Variants in DCAF1 observed in about 807,000 individuals in gnomAD.
DCAF1 encodes DDB1- and CUL4-associated factor 1.
In DCAF1, 15 loss-of-function variants were observed where a neutral mutation model predicts 128.0. The observed-to-expected ratio is 0.12, with a 90% CI of 0.08 to 0.18. The LOEUF (loss-of-function observed/expected upper bound fraction) is 0.18, where lower values mean the gene tolerates loss of function less well. DCAF1 is among the 10% of genes least tolerant of loss of function. DCAF1 has a pLI of 1.00. For synonymous variants in DCAF1, 610 were observed against 603.0 expected, an observed-to-expected ratio of 1.01 and a Z score of -0.17; for missense variants, 988 against 1,649.5, an observed-to-expected ratio of 0.60 and a Z score of 6.95.
chr3:51,401,299 C>T (rs1306496490), intron 24 of DCAF1, among the ~76,000 whole-genome samples: 1 of 152,138 alleles, frequency 6.6e-6, no homozygotes, highest in Non-Finnish European at 1.5e-5. Context: ...TTCACCCTAT[C>T]CTAAAAGGGC....
intron 7 of DCAF1, among the ~76,000 whole-genome samples, chr3:51,442,980 A>G (rs1701503811): frequency 6.6e-6 from 1 of 152,132 alleles, no homozygotes; most frequent in Admixed American, 6.6e-5. Flanking sequence ...CCTAATACTT[A>G]GGTGATGGGT....
At chr3:51,412,622 A>G in intron 22 of DCAF1, 142 bp from the exon 23 acceptor site, 2 of 1,390,974 alleles carry the variant, frequency 1.4e-6, no homozygotes, top group Non-Finnish European at 1.9e-6. Context: ...CTGACTATGA[A>G]AATGTTATAC....
intron 6 of DCAF1, among the ~76,000 whole-genome samples, chr3:51,451,066 A>ATTTT (rs1559527264): frequency 2.4e-4 from 8 of 32,824 alleles, no homozygotes; most frequent in South Asian, 1.1e-3. Context: ...TAAAAAGGAA[A>ATTTT]TTCTTTTTTT....
intron 23 of DCAF1, among the ~76,000 whole-genome samples, chr3:51,406,297 C>G (rs1051532688): frequency 7.4e-6 from 1 of 135,202 alleles, no homozygotes; most frequent in African/African-American, 2.8e-5. Flanking sequence ...GAGCCGAGAT[C>G]GCGCCACTGC....
Position 51,414,783 on chromosome 3 carries a change from G to A in DCAF1, c.3678C>T (p.Asn1226=). 1 of 1,614,036 alleles carries A rather than the reference G, an allele frequency of 6.2e-7. No individual in the cohort carries two copies. Among genetic ancestry groups the A allele is most frequent in the Non-Finnish European group, 8.5e-7 (1 of 1,179,906 alleles). The stretch of plus-strand genomic sequence containing the variant: ...CATCTGTAGGATTAAAGGTGGCACA[G>A]TTCCTCTTGTAGTTGTTGGCAAGAT... ...NPDLANNYKR[N]CATFNPTDDL... is the part of the protein sequence containing the mutation. Residue 1226 remains asparagine, a synonymous_variant, in exon 19 of 25, where the codon AAC becomes AAT. Coordinates refer to ENST00000684031, the MANE Select transcript of DCAF1 (RefSeq NM_001387579.1).
At chr3:51,450,662 T>C (rs1702256553) in intron 6 of DCAF1, among the ~76,000 whole-genome samples, 1 of 152,198 alleles carries the variant, frequency 6.6e-6, no homozygotes, top group Admixed American at 6.5e-5. Flanking sequence ...CACTTATTTT[T>C]TGAGAGACAA....
intron 6 of DCAF1, among the ~76,000 whole-genome samples, chr3:51,460,323 G>A (rs1577220067): frequency 6.6e-6 from 1 of 152,054 alleles, no homozygotes; most frequent in Admixed American, 6.6e-5. Flanking sequence ...GCTTCAAAGA[G>A]AATAAAATAC....
At chr3:51,451,112 A>G (rs182379012) in intron 6 of DCAF1, among the ~76,000 whole-genome samples, 1 of 52,828 alleles carries the variant, frequency 1.9e-5, no homozygotes, top group East Asian at 4.8e-4. Context: ...TTTTAGTGAC[A>G]AGGTCTCACT....
chr3:51,470,711 A>G (rs1704638702), intron 4 of DCAF1, among the ~76,000 whole-genome samples: 1 of 152,104 alleles, frequency 6.6e-6, no homozygotes, highest in African/African-American at 2.4e-5. Flanking sequence ...AATATTTCCA[A>G]TTTTTTCCAG....
At position 51,430,053 on chromosome 3, in the gene DCAF1, G is replaced by A; in HGVS notation, c.1447C>T (p.Leu483Phe). Residue 483 changes from leucine (L) to phenylalanine (F), a missense_variant, in exon 11 of 25, where the codon CTT becomes TTT. By Grantham distance (22) the Leu-to-Phe change is conservative. Around this residue, in one of 11 missense-constraint regions of DCAF1, gnomAD observed 185 missense variants for 248.1 expected, o/e 0.75. Transcript: ENST00000684031. Reference sequence around the variant, plus strand: ...CTCACCAAGTTCACCAGACGACGAAGACCATCATAGCGGTCAAAGAGCTCC... The same window carrying A: ...CTCACCAAGTTCACCAGACGACGAAAACCATCATAGCGGTCAAAGAGCTCC... ...VLELFDRYDG[L>F]RRLVNLISTL... The A allele has an allele frequency of 1.3e-6, 1 of 780,608 alleles. No homozygotes were observed. Among genetic ancestry groups the A allele is most frequent in the East Asian group, 2.4e-5 (1 of 41,250 alleles). The allele number at this position is 780,608 out of a possible 1,614,324, so 48.4% of individuals were successfully genotyped here.
intron 6 of DCAF1, among the ~76,000 whole-genome samples, chr3:51,453,211 C>T (rs1349652824): frequency 2.6e-5 from 4 of 152,218 alleles, no homozygotes; most frequent in African/African-American, 9.6e-5. Flanking sequence ...TAACGTTAAT[C>T]ACAACGTTAT....
intron 23 of DCAF1, among the ~76,000 whole-genome samples, chr3:51,406,632 C>T (rs1257433381): frequency 2.0e-5 from 3 of 152,132 alleles, no homozygotes; most frequent in Non-Finnish European, 4.4e-5. Context: ...CTTTCCTTTA[C>T]AGAAAATAGG....
chr3:51,463,248 T>C (rs890368782), intron 5 of DCAF1, 21 bp from the exon 6 acceptor site: 2 of 1,483,864 alleles, frequency 1.3e-6, no homozygotes, highest in Middle Eastern at 3.5e-4. Flanking sequence ...AAAAAAGAAA[T>C]ACTGTTCATC....
intron 6 of DCAF1, among the ~76,000 whole-genome samples, chr3:51,452,565 G>GAA (rs1553641737): frequency 6.6e-6 from 1 of 152,098 alleles, no homozygotes; most frequent in Non-Finnish European, 1.5e-5. Flanking sequence ...TGTTCTTGCA[G>GAA]AAAGCTTTAT....
chr3:51,399,560 A>G (rs17668146), intron 24 of DCAF1, among the ~76,000 whole-genome samples: 3,159 of 152,266 alleles, frequency 0.021, 49 homozygotes, highest in Middle Eastern at 0.041. Flanking sequence ...CTGGCAGCAC[A>G]CGGACACATT....
At chr3:51,443,398 G>A (rs189130905) in intron 7 of DCAF1, among the ~76,000 whole-genome samples, 71 of 152,070 alleles carry the variant, frequency 4.7e-4, no homozygotes, top group African/African-American at 1.6e-3. Context: ...AGACCAGCCC[G>A]ACCAACATGG....
At chr3:51,421,482 C>T (rs1412528742) in intron 14 of DCAF1, among the ~76,000 whole-genome samples, 1 of 152,138 alleles carries the variant, frequency 6.6e-6, no homozygotes, top group African/African-American at 2.4e-5. Context: ...GTCTGGAACT[C>T]CTGACCTCAG....
At chr3:51,483,584 A>G (rs1706523818) in intron 3 of DCAF1, 135 bp downstream of exon 3, 3 of 616,946 alleles carry the variant, frequency 4.9e-6, no homozygotes, top group African/African-American at 3.7e-5. Context: ...TCTCCACACC[A>G]ATTTTTGCTT....
At chr3:51,464,011 T>C (rs1169498784) in intron 5 of DCAF1, among the ~76,000 whole-genome samples, 1 of 151,884 alleles carries the variant, frequency 6.6e-6, no homozygotes, top group Non-Finnish European at 1.5e-5. Flanking sequence ...CACACCACCA[T>C]GTCCATCTAA....
Sources: gnomAD v4.1 joint callset for allele counts (sites outside exome capture counted in the v4.1 genomes callset) on GRCh38, gnomAD v4.1.1 for gene constraint, gnomAD v4.1.1 regional missense constraint, MANE v1.5 for transcripts, NCBI Gene and HGNC (gene_info 2026-07-23, HGNC 2026-07-21) for gene names.